The following CHORDC1 variants were observed in gnomAD, a reference collection of about 807,000 sequenced individuals.
CHORDC1 encodes the protein cysteine and histidine-rich domain-containing protein 1.
CHORDC1 carries 25 observed loss-of-function variants against 48.3 expected under a neutral mutation model. The ratio of observed to expected loss-of-function variants is 0.52; its 90% CI spans 0.38 to 0.72. The LOEUF (loss-of-function observed/expected upper bound fraction) is 0.72, where lower values mean the gene tolerates loss of function less well. Ranked by LOEUF, CHORDC1 falls within the 30% of genes least tolerant of loss-of-function variation. The pLI is 0.00. For synonymous variants in CHORDC1, 128 were observed against 126.4 expected (o/e 1.01, Z -0.09); for missense variants, 317 against 388.7 (o/e 0.82, Z 1.55).
At chr11:90,203,491 G>A (rs1857592367) in intron 8 of CHORDC1, 64 bp from the exon 9 acceptor site, 1 of 1,443,630 alleles carries the variant, frequency 6.9e-7, no homozygotes, top group South Asian at 1.5e-5. Flanking sequence ...TTAAAAAGAG[G>A]AATTTGACCC....
chr11:90,205,061 A>ATT (rs1381799789), intron 8 of CHORDC1, among the ~76,000 whole-genome samples: 1 of 151,986 alleles, frequency 6.6e-6, no homozygotes, highest in Non-Finnish European at 1.5e-5. Flanking sequence ...TGCATCTGTA[A>ATT]ATGATTGAAG....
At chr11:90,217,112 A>G (rs921443210) in intron 2 of CHORDC1, among the ~76,000 whole-genome samples, 1 of 152,228 alleles carries the variant, frequency 6.6e-6, no homozygotes, top group Non-Finnish European at 1.5e-5. Context: ...GCCCTACTGA[A>G]TGTCTTCTCT....
At position 90,206,800 on chromosome 11, in the gene CHORDC1, A is replaced by G. The variant is rs1269493634; in HGVS notation, c.493-528T>C. 5 of 1,285,404 alleles carry G rather than the reference A, an allele frequency of 3.9e-6. No individual in the cohort carries two copies. The Admixed American group carries it at 1.1e-4, about 30-fold the overall frequency. The allele number at this position is 1,285,404 out of a possible 1,614,324, so 79.6% of individuals were successfully genotyped here. A position where few individuals can be genotyped will look rare whatever the true frequency, so the allele number is the denominator to read the frequency against. Reference sequence around the variant, plus strand: ...AAGATCCGGGCCCCATTGCTGCTGTAGATGGAGGCTCTACAGATGAATTCA... The same window carrying G: ...AAGATCCGGGCCCCATTGCTGCTGTGGATGGAGGCTCTACAGATGAATTCA... On this transcript the variant is annotated intron_variant, in intron 6 of 10. Transcript: ENST00000320585.
In CHORDC1 at chr11:90,222,901, G is replaced by C. The variant is rs138204033; in HGVS notation, c.54C>G (p.Thr18=). ...RGCGQRFDPE[T]NSDDACTYHP... ...GCGCGTTCCTCTTACCGTCGGAATT[G>C]GTCTCAGGATCGAAGCGCTGACCGC... is the stretch of plus-strand genomic sequence containing the variant. Residue 18 remains threonine, a synonymous_variant, in exon 1 of 11, where the codon ACC becomes ACG. Transcript: ENST00000320585. The C allele has an allele frequency of 5.3e-5, 86 of 1,613,870 alleles. No individual in the cohort carries two copies. The highest frequency in any genetic ancestry group is 3.0e-4 in the Admixed American group (18 of 59,998).
rs1378866579 is a variant in CHORDC1 at position 90,221,803 on chromosome 11, G to C, written c.64+1088C>G. ...TATCAATGGTCTTATTTTAAATAAC[G>C]CTATCAATTTACCTGTGTGCCAAAA... is the stretch of plus-strand genomic sequence containing the variant. On this transcript the variant is annotated intron_variant, in intron 1 of 10. Transcript: ENST00000320585. 2.6e-5 allele frequency among the ~76,000 whole-genome samples: 4 copies of C among 152,032 alleles called. No homozygotes were observed. In the South Asian group the frequency reaches 8.3e-4, roughly 32 times the overall value.
rs11018907 is a variant in CHORDC1, at chr11:90,200,441, T to C, written c.*1964A>G. Reference sequence around the variant, plus strand: ...AAGACAAAGCAAATTTCTAGAGAAATAAATCAATAAGCACTTTTTATTAAC... The same window carrying C: ...AAGACAAAGCAAATTTCTAGAGAAACAAATCAATAAGCACTTTTTATTAAC... On this transcript the variant is annotated 3_prime_UTR_variant, in exon 11 of 11. Transcript: ENST00000320585. Among the ~76,000 whole-genome samples the C allele has an allele frequency of 0.43, 64,696 of 151,632 alleles. 14,306 individuals are homozygous for C. The highest frequency in any genetic ancestry group is 0.59 in the East Asian group (3,058 of 5,180).
chr11:90,207,541 T>C (rs961460864), intron 6 of CHORDC1: 2 of 151,796 alleles, frequency 1.3e-5, no homozygotes, highest in Middle Eastern at 3.2e-3. Context: ...ATTAAGACAG[T>C]GAAAAAGCAT....
At chr11:90,216,681 C>T (rs1168016141) in intron 2 of CHORDC1, 2 of 290,394 alleles carry the variant, frequency 6.9e-6, no homozygotes, top group Non-Finnish European at 6.7e-6. Context: ...AGAGAAAAAA[C>T]GGGCAATGGA....
intron 10 of CHORDC1, 129 bp downstream of exon 10, chr11:90,202,684 T>A: frequency 7.2e-7 from 1 of 1,389,454 alleles, no homozygotes; most frequent in Non-Finnish European, 9.8e-7. Flanking sequence ...AGTCTTAAAC[T>A]TTTTGGTAGG....
intron 2 of CHORDC1, among the ~76,000 whole-genome samples, chr11:90,215,991 T>C (rs1320820430): frequency 6.6e-6 from 1 of 152,076 alleles, no homozygotes; most frequent in Admixed American, 6.5e-5. Context: ...AAAAATATGG[T>C]AGTGATTTTT....
chr11:90,208,034 A>G (rs1470457131), intron 6 of CHORDC1: 3 of 151,880 alleles, frequency 2.0e-5, no homozygotes, highest in Admixed American at 2.0e-4. Flanking sequence ...GGGATGCTGA[A>G]CTAACTGATA....
chr11:90,206,586 G>T, intron 6 of CHORDC1: 1 of 359,878 alleles, frequency 2.8e-6, no homozygotes, highest in Non-Finnish European at 5.3e-6. Flanking sequence ...GAAACCAAGG[G>T]ATTAATACTC....
At chr11:90,213,854 G>T (rs1290120926) in intron 4 of CHORDC1, 164 bp downstream of exon 4, 8 of 580,516 alleles carry the variant, frequency 1.4e-5, no homozygotes, top group East Asian at 1.1e-4. Flanking sequence ...AAGTTGAAGA[G>T]AAATAAAAAT....
intron 6 of CHORDC1, chr11:90,207,779 C>CAAAAAAAAAAAAAAAAAAAAAA (rs1231587858): frequency 5.5e-5 from 5 of 91,304 alleles, no homozygotes; most frequent in Non-Finnish European, 8.6e-5. Flanking sequence ...AAAAAAAAAA[C>CAAAAAAAAAAAAAAAAAAAAAA]AAAAAAAACT....
chr11:90,215,325 G>T, intron 2 of CHORDC1, 95 bp from the exon 3 acceptor site: 1 of 731,332 alleles, frequency 1.4e-6, no homozygotes, highest in Non-Finnish European at 2.2e-6. Flanking sequence ...CTTGAATCCT[G>T]CAGTAACTTG....
intron 6 of CHORDC1, chr11:90,207,761 C>CAAAAAAAAAAAAAAAAAAAAAAAAAAAAA (rs71055890): frequency 1.1e-4 from 6 of 52,768 alleles, no homozygotes; most frequent in Non-Finnish European, 2.2e-4. Flanking sequence ...GGTTAAAATA[C>CAAAAAAAAAAAAAAAAAAAAAAAAAAAAA]AAAAAAAAAA....
At chr11:90,208,545 AAAAC>A (rs1189499283) in intron 6 of CHORDC1, 1 of 152,194 alleles carries the variant, frequency 6.6e-6, no homozygotes, top group Non-Finnish European at 1.5e-5. Flanking sequence ...AAGAAATAAA[AAAAC>A]AAAACTAAAG....
In CHORDC1 at chr11:90,201,361, A is replaced by G. The variant is rs1857539371; in HGVS notation, c.*1044T>C. ...TATCCAAACGATCTAATTCTGTATT[A>G]CCTATATTTAATATAAAGTACAATA... On this transcript the variant is annotated 3_prime_UTR_variant, in exon 11 of 11. Transcript: ENST00000320585. 1 of 151,878 alleles carries G rather than the reference A, an allele frequency of 6.6e-6. No homozygotes were observed. Among genetic ancestry groups the G allele is most frequent in the African/African-American group, 2.4e-5 (1 of 41,398 alleles). The allele number at this position is 151,878 out of a possible 1,614,324, so 9.4% of individuals were successfully genotyped here.
chr11:90,210,376 C>T (rs1857826274), intron 6 of CHORDC1, among the ~76,000 whole-genome samples, 160 bp downstream of exon 6: 1 of 89,264 alleles, frequency 1.1e-5, no homozygotes, highest in African/African-American at 2.9e-5. Context: ...GGACATGATG[C>T]TACTCAGAGT....
Sources: allele counts gnomAD v4.1 joint callset (sites outside exome capture counted in the v4.1 genomes callset), GRCh38; gene constraint gnomAD v4.1.1; transcripts MANE v1.5; gene names NCBI Gene and HGNC (gene_info 2026-07-23, HGNC 2026-07-21).